The following XPC variants were observed in gnomAD, a reference collection of about 807,000 sequenced individuals.
XPC encodes the protein DNA repair protein complementing XP-C cells.
Under a neutral mutation model 95.8 loss-of-function variants are expected in XPC, and 76 were observed. That is an observed-to-expected ratio of 0.79 (90% confidence interval 0.66 to 0.96). The LOEUF is 0.96. Ranked by LOEUF, XPC falls within the 40% of genes least tolerant of loss-of-function variation. The pLI is 0.00. For synonymous variants in XPC, 442 were observed against 442.1 expected (o/e 1.00, Z 0.00); for missense variants, 1,146 against 1,179.8 (o/e 0.97, Z 0.42).
intron 1 of XPC, 25 bp from the exon 2 acceptor site, chr3:14,173,087 G>A (rs1696680317): frequency 6.6e-7 from 1 of 1,511,392 alleles, no homozygotes; most frequent in Non-Finnish European, 8.9e-7. Context: ...AGAACATAAG[G>A]TGAGGGGTGG....
At chr3:14,152,673 T>C in intron 10 of XPC, 1 of 422,386 alleles carries the variant, frequency 2.4e-6, no homozygotes, top group South Asian at 3.4e-5. Flanking sequence ...CTCCTCCCCT[T>C]CATAGGTTTT....
At position 14,158,149 on chromosome 3, in the gene XPC, G is replaced by T. The variant is rs3731131; in HGVS notation, c.1734C>A (p.Val578=). Residue 578 remains valine, a synonymous_variant, in exon 9 of 16, where the codon GTC becomes GTA. Coordinates refer to ENST00000285021, the MANE Select transcript of XPC (RefSeq NM_004628.5). This position sits in a 1 kb window ranked among gnomAD's most constrained non-coding sequence, Gnocchi z 5.2. ...YVVGIDSDGW[V]RDVTQRYDPV... is the part of the protein sequence containing the mutation. ...GGTCGTACCTCTGTGTGACATCTCGGACCCAGCCGTCACTGTCAATGCCCA... is the reference window on the plus strand; with the variant it reads ...GGTCGTACCTCTGTGTGACATCTCGTACCCAGCCGTCACTGTCAATGCCCA... 8.2e-4 allele frequency: 1,316 copies of T among 1,613,856 alleles called. 13 individuals carry two copies. In the African/African-American group the frequency reaches 0.015, roughly 19 times the overall value.
intron 10 of XPC, 130 bp downstream of exon 10, chr3:14,156,205 C>A: frequency 1.7e-6 from 2 of 1,192,100 alleles, no homozygotes; most frequent in Non-Finnish European, 2.3e-6. Flanking sequence ...ACACAGCACA[C>A]GCACACTGGC....
In XPC at chr3:14,149,159, C is replaced by A. The variant is rs145993615; in HGVS notation, c.2116-211G>T. Among the ~76,000 whole-genome samples, 381 of 152,120 alleles carry A rather than the reference C, an allele frequency of 2.5e-3. 2 individuals carry two copies. Among genetic ancestry groups the A allele is most frequent in the African/African-American group, 8.8e-3 (366 of 41,512 alleles). On this transcript the variant is annotated intron_variant, in intron 11 of 15. Transcript: ENST00000285021. ...AGTACAGTGGTGCAATCTTGGCTCG[C>A]TGCAACCTCTGCCTCCTGGGTTTAA...
chr3:14,160,460 C>T (rs935383635), intron 7 of XPC, among the ~76,000 whole-genome samples: 3 of 152,228 alleles, frequency 2.0e-5, no homozygotes, highest in African/African-American at 7.2e-5. Context: ...CCTTCCTACA[C>T]GGGTCTCCAG....
intron 3 of XPC, 102 bp downstream of exon 3, chr3:14,170,336 A>G: frequency 8.6e-7 from 1 of 1,158,224 alleles, no homozygotes; most frequent in South Asian, 1.3e-5. Context: ...ATTAGCTCAA[A>G]AGAAAACAAA....
Position 14,146,005 on chromosome 3 carries a change from G to T in XPC, c.2759C>A (p.Pro920His), listed in dbSNP as rs2125004753. The change falls in exon 16 of 16, where the codon CCC becomes CAC. Residue 920 changes from proline (P) to histidine (H), a missense_variant. Pro to His is a moderately conservative substitution (Grantham distance 77, BLOSUM62 -2). Coordinates refer to ENST00000285021, the MANE Select transcript of XPC (RefSeq NM_004628.5). ...DEEKQKLKGG[P>H]KKTKREKKAA... ...TTTCTTTTCCCTTTTGGTCTTCTTG[G>T]GCCCACCCTTCAGCTTCTGCTTTTC... The T allele has an allele frequency of 6.2e-7, 1 of 1,611,660 alleles. No homozygotes were observed. Among genetic ancestry groups the T allele is most frequent in the Non-Finnish European group, 8.5e-7 (1 of 1,178,536 alleles).
At position 14,158,800 on chromosome 3, in the gene XPC, C is replaced by A; in HGVS notation, c.1083G>T (p.Lys361Asn). 1 of 1,613,920 alleles carries A rather than the reference C, an allele frequency of 6.2e-7. No homozygotes were observed. Among genetic ancestry groups the A allele is most frequent in the South Asian group, 1.1e-5 (1 of 91,084 alleles). Residue 361 changes from lysine to asparagine, a missense_variant, in exon 9 of 16, where the codon AAG (lysine) becomes AAT (asparagine). Lys to Asn is a moderately conservative substitution (Grantham distance 94). Coordinates refer to ENST00000285021, the MANE Select transcript of XPC (RefSeq NM_004628.5). This position sits in a 1 kb window ranked among gnomAD's most constrained non-coding sequence, Gnocchi z 5.2. ...SQVLENHTKP[K>N]TSKGTKQEET... ...CCTCTTGTTTGGTTCCTTTGCTGGT[C>A]TTTGGTTTGGTGTGGTTTTCTAGAA...
In XPC at chr3:14,167,168, C is replaced by T. The variant is rs1399465960; in HGVS notation, c.621+1G>A. 20 of 1,596,714 alleles carry T rather than the reference C, an allele frequency of 1.3e-5. No homozygotes were observed. The highest frequency in any genetic ancestry group is 1.6e-5 in the Non-Finnish European group (19 of 1,170,622). ...CCTTCCCCATCATTCCTTGCCCTTA[C>T]CTTGTGTGTGTCCTCATGGACCCCT... On this transcript the variant is annotated splice_donor_variant, in intron 5 of 15. Coordinates refer to ENST00000285021, the MANE Select transcript of XPC (RefSeq NM_004628.5). LOFTEE classifies it high-confidence loss of function.
At chr3:14,165,014 G>T in intron 6 of XPC, 81 bp from the exon 7 acceptor site, 1 of 1,535,478 alleles carries the variant, frequency 6.5e-7, no homozygotes, top group African/African-American at 1.4e-5. Flanking sequence ...AATAAAAAGA[G>T]GGAGTGAATC....
intron 5 of XPC, 91 bp downstream of exon 5, chr3:14,167,078 C>A: frequency 1.7e-6 from 2 of 1,194,466 alleles, no homozygotes; most frequent in Non-Finnish European, 2.3e-6. Flanking sequence ...GCCATGGCCA[C>A]AGAGCAGCAA....
chr3:14,170,041 A>G (rs1292657715), intron 3 of XPC, among the ~76,000 whole-genome samples: 2 of 152,344 alleles, frequency 1.3e-5, no homozygotes, highest in East Asian at 3.9e-4. Flanking sequence ...GTGTTTACAG[A>G]GTGTTACCAA....
At chr3:14,159,103 A>G (rs1481174615) in intron 8 of XPC, among the ~76,000 whole-genome samples, 1 of 152,166 alleles carries the variant, frequency 6.6e-6, no homozygotes, top group Non-Finnish European at 1.5e-5. Context: ...AGGCCACAGT[A>G]TAATTCTTTT....
At position 14,158,425 on chromosome 3, in the gene XPC, G is replaced by C. The variant is rs748767864; in HGVS notation, c.1458C>G (p.Thr486=). 1 of 1,613,750 alleles carries C rather than the reference G, an allele frequency of 6.2e-7. No individual in the cohort carries two copies. Among genetic ancestry groups the C allele is most frequent in the Non-Finnish European group, 8.5e-7 (1 of 1,179,806 alleles). The change falls in exon 9 of 16, where the codon ACC becomes ACG. Residue 486 remains threonine, a synonymous_variant. Coordinates refer to ENST00000285021, the MANE Select transcript of XPC (RefSeq NM_004628.5). This position sits in a 1 kb window ranked among gnomAD's most constrained non-coding sequence, Gnocchi z 5.2. ...TKAGSKSASR[T]HRGSHRKDPS... ...GGTCCTTACGATGGCTCCCACGATGGGTCCTGGAGGCACTCTTGGACCCAG... is the reference window on the plus strand; with the variant it reads ...GGTCCTTACGATGGCTCCCACGATGCGTCCTGGAGGCACTCTTGGACCCAG...
At position 14,165,658 on chromosome 3, in the gene XPC, G is replaced by T. The variant is rs534101335; in HGVS notation, c.622-73C>A. 1.6e-5 allele frequency: 25 copies of T among 1,553,504 alleles called. 1 individual carries two copies. In the South Asian group the frequency reaches 2.9e-4, roughly 18 times the overall value. On this transcript the variant is annotated intron_variant, in intron 5 of 15. Transcript: ENST00000285021. ...ACCAGGAGGAATTTTTGCTGCCAAAGTCAAGACATGCTGTGGACAAGAAAT... is the reference window on the plus strand; with the variant it reads ...ACCAGGAGGAATTTTTGCTGCCAAATTCAAGACATGCTGTGGACAAGAAAT...
chr3:14,147,879 C>T (rs746614797), intron 14 of XPC, 29 bp downstream of exon 14: 2 of 1,564,628 alleles, frequency 1.3e-6, no homozygotes, highest in Non-Finnish European at 8.7e-7. Context: ...CCCGCTTCTG[C>T]TGTCCCTCAG....
Position 14,148,721 on chromosome 3 carries a change from T to A in XPC, c.2261A>T (p.Asn754Ile), listed in dbSNP as rs764798064. 1.2e-6 allele frequency: 2 copies of A among 1,613,988 alleles called. No individual in the cohort carries two copies. Among genetic ancestry groups the A allele is most frequent in the Non-Finnish European group, 1.7e-6 (2 of 1,179,872 alleles). Residue 754 changes from asparagine to isoleucine, a missense_variant, in exon 13 of 16, where the codon AAC (asparagine) becomes ATC (isoleucine). Transcript: ENST00000285021. Reference protein sequence around the residue: ...PVAVDGKVPRNEFGNVYLFLP... With the variant: ...PVAVDGKVPRIEFGNVYLFLP... Reference sequence around the variant, plus strand: ...GAAGAGGTACACATTCCCAAACTCGTTCCGGGGCACCTGTGTCGGGTGAGC... The same window carrying A: ...GAAGAGGTACACATTCCCAAACTCGATCCGGGGCACCTGTGTCGGGTGAGC...
chr3:14,147,508 CAA>C (rs1456140024), intron 14 of XPC, 129 bp from the exon 15 acceptor site: 8 of 894,398 alleles, frequency 8.9e-6, no homozygotes, highest in Non-Finnish European at 1.4e-5. Context: ...TCCTTCACAC[CAA>C]GTCTCACTTC....
At chr3:14,146,542 G>T (rs146598750) in intron 15 of XPC, among the ~76,000 whole-genome samples, 1 of 152,168 alleles carries the variant, frequency 6.6e-6, no homozygotes, top group Admixed American at 6.5e-5. Context: ...TTCAGCCCTC[G>T]GAGCCCTAAG....
Sources: allele counts gnomAD v4.1 joint callset (sites outside exome capture counted in the v4.1 genomes callset), GRCh38; gene constraint gnomAD v4.1.1; non-coding constraint Gnocchi (gnomAD v3.1); transcripts MANE v1.5; gene names NCBI Gene and HGNC (gene_info 2026-07-23, HGNC 2026-07-21).